Variants in MEGF6 observed in about 807,000 individuals in gnomAD.
MEGF6 encodes the protein multiple epidermal growth factor-like domains protein 6.
In MEGF6, 184 loss-of-function variants were observed where a neutral mutation model predicts 207.1. The ratio of observed to expected loss-of-function variants is 0.89; its 90% CI spans 0.79 to 1.00. MEGF6 has a LOEUF of 1.00. MEGF6 is among the 50% of genes least tolerant of loss of function. MEGF6 has a pLI of 0.00. For synonymous variants in MEGF6, 1,038 were observed against 910.0 expected, an observed-to-expected ratio of 1.14 and a Z score of -2.53; for missense variants, 2,282 against 2,202.9, an observed-to-expected ratio of 1.04 and a Z score of -0.72.
At chr1:3,495,869 C>T in intron 30 of MEGF6, 21 bp downstream of exon 30, 1 of 1,595,928 alleles carries the variant, frequency 6.3e-7, no homozygotes. Context: ...TGTGAGCATG[C>T]CCTCTGGAGT....
intron 17 of MEGF6, among the ~76,000 whole-genome samples, chr1:3,504,914 C>T (rs1569978654): frequency 6.6e-6 from 1 of 152,298 alleles, no homozygotes; most frequent in African/African-American, 2.4e-5. Flanking sequence ...AGCAAGTGGA[C>T]CAGGGAGGAG....
At chr1:3,500,478 GGT>G (rs979821677) in intron 21 of MEGF6, among the ~76,000 whole-genome samples, 153 bp downstream of exon 21, 5 of 152,250 alleles carry the variant, frequency 3.3e-5, no homozygotes, top group African/African-American at 9.6e-5. Flanking sequence ...CGTTTTGGTG[GGT>G]GTGTGCGCGC....
At chr1:3,547,020 C>G (rs1642737485) in intron 4 of MEGF6, 1 of 161,816 alleles carries the variant, frequency 6.2e-6, no homozygotes, top group Admixed American at 6.5e-5. Context: ...CGCCATCACC[C>G]TGCAGCTGGT....
At chr1:3,547,775 T>A (rs1642762599) in intron 4 of MEGF6, among the ~76,000 whole-genome samples, 1 of 152,144 alleles carries the variant, frequency 6.6e-6, no homozygotes, top group Admixed American at 6.5e-5. Flanking sequence ...GGTGCGGGAA[T>A]GTGGCAGTTC....
chr1:3,504,562 C>G (rs1354131918), intron 17 of MEGF6, among the ~76,000 whole-genome samples: 1 of 152,054 alleles, frequency 6.6e-6, no homozygotes, highest in Non-Finnish European at 1.5e-5. Context: ...AAGCCCCCAG[C>G]CCCACGCACG....
At chr1:3,543,228 G>A (rs1302976279) in intron 4 of MEGF6, among the ~76,000 whole-genome samples, 1 of 152,100 alleles carries the variant, frequency 6.6e-6, no homozygotes, top group Admixed American at 6.5e-5. Flanking sequence ...AGCTTGATGG[G>A]GCCGAGTCAT....
Position 3,510,368 on chromosome 1 carries a change from C to T in MEGF6, c.1235-376G>A, listed in dbSNP as rs192163416. Reference sequence around the variant, plus strand: ...CTCAACCAACACCCACAGCCCTGCACGCAGCAGGCGCTCAACCAACGCCCA... The same window carrying T: ...CTCAACCAACACCCACAGCCCTGCATGCAGCAGGCGCTCAACCAACGCCCA... On this transcript the variant is annotated intron_variant, in intron 10 of 36. Transcript: ENST00000356575. Among the ~76,000 whole-genome samples, 26 of 151,966 alleles carry T rather than the reference C, an allele frequency of 1.7e-4. 1 individual carries two copies. In the East Asian group the frequency reaches 3.1e-3, roughly 18 times the overall value.
chr1:3,494,166 C>T, intron 32 of MEGF6, 42 bp from the exon 33 acceptor site: 1 of 1,523,128 alleles, frequency 6.6e-7, no homozygotes, highest in Non-Finnish European at 8.8e-7. Context: ...CACACGGTGG[C>T]AGAAATGTCC....
intron 4 of MEGF6, among the ~76,000 whole-genome samples, chr1:3,562,029 G>A (rs1643216893): frequency 6.6e-6 from 1 of 152,224 alleles, no homozygotes; most frequent in African/African-American, 2.4e-5. Context: ...TGGGAGGCCA[G>A]CGTCATGCTT....
upstream of MEGF6, among the ~76,000 whole-genome samples, chr1:3,615,219 G>A (rs768607849): frequency 2.0e-5 from 3 of 152,198 alleles, no homozygotes; most frequent in Admixed American, 6.5e-5. Flanking sequence ...TTTCAGAGTC[G>A]TCAAACTTTG....
At chr1:3,498,571 C>G (rs1640713875) in intron 25 of MEGF6, 72 bp from the exon 26 acceptor site, 5 of 1,494,388 alleles carry the variant, frequency 3.3e-6, no homozygotes, top group Non-Finnish European at 3.6e-6. Context: ...ACCCATGCTT[C>G]CTGCACGCAG....
intron 4 of MEGF6, among the ~76,000 whole-genome samples, chr1:3,563,871 T>C (rs1215859113): frequency 6.6e-6 from 1 of 152,136 alleles, no homozygotes; most frequent in African/African-American, 2.4e-5. Context: ...AAGTCAGACC[T>C]GCCAGGTGCC....
rs1640854188 is a variant in MEGF6, at chr1:3,501,309, C to G, written c.2315-1G>C. On this transcript the variant is annotated splice_acceptor_variant, in intron 18 of 36. Coordinates refer to ENST00000356575, the MANE Select transcript of MEGF6 (RefSeq NM_001409.4). LOFTEE classifies it high-confidence loss of function. ...AGCCCCCAGCGGCCCTCGGGACAAT[C>G]TAGTGCCCACCCCCATGGCCAGTCA... The G allele has an allele frequency of 6.3e-7, 1 of 1,594,730 alleles. No homozygotes were observed. The highest frequency in any genetic ancestry group is 1.7e-5 in the Admixed American group (1 of 58,028).
rs1350111940 is a variant in MEGF6 at position 3,494,661 on chromosome 1, C to T, written c.3952G>A (p.Gly1318Ser). ...RNGGLCHASN[G>S]SCSCGLGWTG... ...CAGCCCAGGCCACAGGAGCAGCTGC[C>T]GTTGCTGGCGTGGCACAGGCCCCCA... The change falls in exon 31 of 37, where the codon GGC (glycine) becomes AGC (serine). Residue 1318 changes from glycine (G) to serine (S), a missense_variant. Transcript: ENST00000356575. 1.1e-5 allele frequency: 18 copies of T among 1,566,394 alleles called. No homozygotes were observed. The highest frequency in any genetic ancestry group is 1.9e-5 in the Admixed American group (1 of 53,522).
At chr1:3,614,764 C>T (rs1381578833), upstream of MEGF6, among the ~76,000 whole-genome samples, 1 of 152,236 alleles carries the variant, frequency 6.6e-6, no homozygotes, top group Admixed American at 6.5e-5. Flanking sequence ...GTATTTCCCT[C>T]AGCATTTATT....
chr1:3,576,652 C>A (rs1324666318), intron 4 of MEGF6, among the ~76,000 whole-genome samples: 8 of 151,858 alleles, frequency 5.3e-5, no homozygotes, highest in African/African-American at 1.7e-4. Context: ...CCTGGTCCTG[C>A]ACACCTGGCC....
Position 3,498,456 on chromosome 1 carries a change from G to T in MEGF6, c.3267C>A (p.Gly1089=), listed in dbSNP as rs770304522. 1 of 1,582,404 alleles carries T rather than the reference G, an allele frequency of 6.3e-7. No homozygotes were observed. Among genetic ancestry groups the T allele is most frequent in the African/African-American group, 1.3e-5 (1 of 74,450 alleles). Residue 1089 remains glycine, a synonymous_variant, in exon 26 of 37, where the codon GGC becomes GGA. Coordinates refer to ENST00000356575, the MANE Select transcript of MEGF6 (RefSeq NM_001409.4). The stretch of plus-strand genomic sequence containing the variant: ...CACACAGGCCCCCGTTGAGGCAACC[G>T]CCGCTGTGCCGGCAGCCAGCTCTGA... ...RDVRAGCRHS[G]GCLNGGLCDP... is the part of the protein sequence containing the mutation.
intron 23 of MEGF6, 69 bp downstream of exon 23, chr1:3,499,519 G>A (rs1011547329): frequency 2.6e-6 from 4 of 1,531,182 alleles, no homozygotes; most frequent in Non-Finnish European, 3.5e-6. Flanking sequence ...GGTGGCAGGA[G>A]GGAGTCTCCT....
chr1:3,522,569 G>A (rs1262212501), intron 5 of MEGF6, among the ~76,000 whole-genome samples: 2 of 151,220 alleles, frequency 1.3e-5, no homozygotes, highest in African/African-American at 2.4e-5. Context: ...CCGGCTATAG[G>A]AGGAGACTCC....
Sources: allele counts gnomAD v4.1 joint callset (sites outside exome capture counted in the v4.1 genomes callset), GRCh38; gene constraint gnomAD v4.1.1; transcripts MANE v1.5; gene names NCBI Gene and HGNC (gene_info 2026-07-23, HGNC 2026-07-21).